The following PRH1 variants were observed in gnomAD, a reference collection of about 807,000 sequenced individuals.
PRH1 encodes the protein proline rich protein HaeIII subfamily 1, also known as salivary acidic proline-rich phosphoprotein 1/2.
In PRH1, 7 loss-of-function variants were observed where a neutral mutation model predicts 7.9. That is an observed-to-expected ratio of 0.89 (90% confidence interval 0.50 to 1.67). The LOEUF (loss-of-function observed/expected upper bound fraction) is 1.67. PRH1 is among the 40% of genes most tolerant of loss of function. The pLI is 0.00. For missense variants in PRH1, 109 were observed against 223.6 expected (o/e 0.49, Z 3.27); for synonymous variants, 45 against 80.8 (o/e 0.56, Z 2.38).
intron 1 of PRH1, among the ~76,000 whole-genome samples, chr12:10,976,649 T>A (rs1939112487): frequency 6.7e-6 from 1 of 149,538 alleles, no homozygotes; most frequent in Admixed American, 6.6e-5. Context: ...TTTTTTTAAA[T>A]TAAGATAGAT....
intron 1 of PRH1, among the ~76,000 whole-genome samples, chr12:11,036,875 C>T (rs1942451038): frequency 6.6e-6 from 1 of 152,120 alleles, no homozygotes; most frequent in Non-Finnish European, 1.5e-5. Context: ...AGGGAGAATG[C>T]TATTTGATCA....
At chr12:10,957,458 T>A (rs1938027693) in intron 2 of PRH1, among the ~76,000 whole-genome samples, 1 of 151,686 alleles carries the variant, frequency 6.6e-6, no homozygotes, top group Non-Finnish European at 1.5e-5. Context: ...ACTATTTTTT[T>A]AAAAAACGGA....
chr12:11,133,370 G>C (rs371359132), intron 1 of PRH1: 105 of 1,613,686 alleles, frequency 6.5e-5, no homozygotes, highest in Non-Finnish European at 8.7e-5. Flanking sequence ...CCGCAAAACT[G>C]AAAGAAAAAT....
chr12:10,963,069 C>G (rs1281977174), intron 2 of PRH1, among the ~76,000 whole-genome samples: 2 of 152,188 alleles, frequency 1.3e-5, no homozygotes, highest in African/African-American at 2.4e-5. Flanking sequence ...CGACCCCGAC[C>G]AGGGTCTCTG....
intron 2 of PRH1, among the ~76,000 whole-genome samples, chr12:10,924,942 C>CA (rs751583797): frequency 5.3e-5 from 8 of 151,922 alleles, no homozygotes; most frequent in Non-Finnish European, 1.2e-4. Context: ...TTGATCTTTT[C>CA]AAAAAAACCA....
intron 2 of PRH1, among the ~76,000 whole-genome samples, chr12:10,894,347 T>C (rs532312107): frequency 5.9e-5 from 9 of 152,308 alleles, no homozygotes; most frequent in Admixed American, 3.9e-4. Context: ...TGTTTTTAAC[T>C]GAAAATGACT....
chr12:10,957,968 G>T (rs912797330), intron 2 of PRH1, among the ~76,000 whole-genome samples: 1 of 152,096 alleles, frequency 6.6e-6, no homozygotes, highest in Non-Finnish European at 1.5e-5. Context: ...TGGTGGGGAG[G>T]TAAATTAGTC....
intron 1 of PRH1, among the ~76,000 whole-genome samples, chr12:11,071,034 C>T (rs1186690889): frequency 6.6e-6 from 1 of 150,974 alleles, no homozygotes; most frequent in Non-Finnish European, 1.5e-5. Context: ...TCCCTGTATC[C>T]TGCTTAGCCA....
At chr12:10,970,326 G>T (rs1042547923) in intron 2 of PRH1, among the ~76,000 whole-genome samples, 1 of 151,838 alleles carries the variant, frequency 6.6e-6, no homozygotes, top group Non-Finnish European at 1.5e-5. Context: ...TTTTATTTAA[G>T]GATAAATTTA....
At chr12:10,989,155 A>G (rs1939801578) in intron 1 of PRH1, among the ~76,000 whole-genome samples, 1 of 151,824 alleles carries the variant, frequency 6.6e-6, no homozygotes, top group Admixed American at 6.5e-5. Flanking sequence ...CCTAAACTCT[A>G]TGATACGGTT....
At chr12:11,124,999 C>T (rs567273041) in intron 1 of PRH1, among the ~76,000 whole-genome samples, 15 of 152,200 alleles carry the variant, frequency 9.9e-5, no homozygotes, top group African/African-American at 2.6e-4. Context: ...CCCGCCATCA[C>T]GCCCAGCTAA....
chr12:10,926,944 G>C (rs1468885802), intron 2 of PRH1, among the ~76,000 whole-genome samples: 1 of 152,156 alleles, frequency 6.6e-6, no homozygotes, highest in Non-Finnish European at 1.5e-5. Flanking sequence ...CACTCTAGGT[G>C]CCCAAGCTCC....
At chr12:10,985,828 CA>C in intron 1 of PRH1, 1 of 1,034,794 alleles carries the variant, frequency 9.7e-7, no homozygotes, top group Middle Eastern at 3.1e-4. Flanking sequence ...AGAAAATACT[CA>C]AAAACATACA....
At chr12:10,951,381 T>C (rs761200875) in intron 2 of PRH1, among the ~76,000 whole-genome samples, 6 of 152,222 alleles carry the variant, frequency 3.9e-5, no homozygotes, top group Non-Finnish European at 8.8e-5. Context: ...ATGACTGCTG[T>C]TAATTTATTT....
chr12:11,093,633 T>A (rs1404308062), intron 1 of PRH1, among the ~76,000 whole-genome samples: 1 of 115,756 alleles, frequency 8.6e-6, no homozygotes, highest in African/African-American at 2.9e-5. Flanking sequence ...TTTATAACAA[T>A]TCCTGAGTAC....
chr12:10,964,793 G>C, intron 2 of PRH1: 1 of 591,442 alleles, frequency 1.7e-6, no homozygotes, highest in South Asian at 1.7e-5. Context: ...CAGAGTAAAG[G>C]GTATTAAGTT....
chr12:11,000,748 T>A (rs777105935), intron 1 of PRH1, among the ~76,000 whole-genome samples: 26 of 152,162 alleles, frequency 1.7e-4, no homozygotes, highest in Non-Finnish European at 2.8e-4. Flanking sequence ...GCATTCTTTG[T>A]CTTGTGGTCT....
In PRH1 at chr12:10,966,583, C is replaced by G. The variant is rs544646637; in HGVS notation, c.-59+7072G>C. The stretch of plus-strand genomic sequence containing the variant: ...TTCCAAGATGCAGAACTTGGCCCAT[C>G]TCATATCACCAGAGCCATCCAGCAA... On this transcript the variant is annotated intron_variant, in intron 2 of 3. Transcript: ENST00000539853. Among the ~76,000 whole-genome samples, 5 of 152,322 alleles carry G rather than the reference C, an allele frequency of 3.3e-5. No individual in the cohort carries two copies. In the South Asian group the frequency reaches 8.3e-4, roughly 25 times the overall value.
Position 11,024,298 on chromosome 12 carries a change from T to C in PRH1, c.-126+22722A>G, listed in dbSNP as rs528313998. Among the ~76,000 whole-genome samples the C allele has an allele frequency of 1.6e-4, 25 of 152,346 alleles. 2 individuals are homozygous for C. The South Asian group carries it at 3.7e-3, about 23-fold the overall frequency. ...AAAACAAAAATGGAAAACATAGCAATGTGTCATAAACACTCATGTAACCAT... is the reference window on the plus strand; with the variant it reads ...AAAACAAAAATGGAAAACATAGCAACGTGTCATAAACACTCATGTAACCAT... On this transcript the variant is annotated intron_variant, in intron 1 of 3. Coordinates refer to the PRH1 transcript ENST00000539853.
Sources: gnomAD v4.1 joint callset for allele counts (sites outside exome capture counted in the v4.1 genomes callset) on GRCh38, gnomAD v4.1.1 for gene constraint, MANE v1.5 for transcripts, NCBI Gene and HGNC (gene_info 2026-07-23, HGNC 2026-07-21) for gene names.